SRD5A2: variants seen among roughly 807,000 people sequenced by gnomAD.
The protein encoded by SRD5A2 is 3-oxo-5-alpha-steroid 4-dehydrogenase 2.
SRD5A2 carries 30 observed loss-of-function variants against 27.4 expected under a neutral mutation model. The ratio of observed to expected loss-of-function variants is 1.10; its 90% confidence interval spans 0.82 to 1.49. The LOEUF is 1.49. Ranked by LOEUF, SRD5A2 falls within the 40% of genes most tolerant of loss-of-function variation. The probability of loss-of-function intolerance (pLI) is 0.00; values close to 1 mark genes in which losing one functional copy is unlikely to be tolerated. For synonymous variants in SRD5A2, 141 were observed against 133.6 expected (o/e 1.06, Z -0.38); for missense variants, 348 against 323.4 (o/e 1.08, Z -0.58).
intron 1 of SRD5A2, among the ~76,000 whole-genome samples, chr2:31,570,724 C>T (rs1245131353): frequency 6.6e-6 from 1 of 152,152 alleles, no homozygotes; most frequent in Non-Finnish European, 1.5e-5. Flanking sequence ...CATTCCTATA[C>T]ACCAACAACA....
intron 1 of SRD5A2, among the ~76,000 whole-genome samples, chr2:31,538,775 A>C (rs1179982964): frequency 2.6e-5 from 4 of 152,220 alleles, no homozygotes; most frequent in Middle Eastern, 6.3e-3. Flanking sequence ...CTAGCCTCAT[A>C]AATCTACTTT....
At chr2:31,529,970 C>A (rs1474707668) in intron 3 of SRD5A2, among the ~76,000 whole-genome samples, 7 of 152,182 alleles carry the variant, frequency 4.6e-5, no homozygotes, top group Non-Finnish European at 1.5e-5. Flanking sequence ...CTGCAAAGCA[C>A]TCTCCTCTGT....
the SRD5A2 span, among the ~76,000 whole-genome samples, chr2:31,620,137 C>G: frequency 6.6e-6 from 1 of 151,824 alleles, no homozygotes; most frequent in African/African-American, 2.4e-5. Context: ...ATTCAACATC[C>G]CTTCATGTTA....
In SRD5A2 at chr2:31,561,590, C is replaced by T. The variant is rs143410139; in HGVS notation, c.281+19030G>A. On this transcript the variant is annotated intron_variant, in intron 1 of 4. Transcript: ENST00000622030. ...TGCTTATGTTTTTAAGTATTTATGG[C>T]ATGTCCTGGTAATACTGGGAGACCT... 1.1e-4 allele frequency among the ~76,000 whole-genome samples: 17 copies of T among 152,212 alleles called. No individual in the cohort carries two copies. In the East Asian group the frequency reaches 2.9e-3, roughly 26 times the overall value.
the SRD5A2 span, chr2:31,651,487 T>C: frequency 8.8e-6 from 2 of 226,084 alleles, no homozygotes; most frequent in African/African-American, 2.3e-5. Flanking sequence ...ATGCTAATGA[T>C]AGAGATGACT....
At chr2:31,529,891 T>A (rs1316102544) in intron 3 of SRD5A2, among the ~76,000 whole-genome samples, 1 of 152,146 alleles carries the variant, frequency 6.6e-6, no homozygotes, top group Admixed American at 6.5e-5. Context: ...TACATTAAAA[T>A]AATAAAAATC....
chr2:31,547,702 T>C (rs554431678), intron 1 of SRD5A2, among the ~76,000 whole-genome samples: 12 of 152,154 alleles, frequency 7.9e-5, no homozygotes, highest in Non-Finnish European at 1.8e-4. Context: ...AACATTGGCT[T>C]CCATGGTTCT....
the SRD5A2 span, among the ~76,000 whole-genome samples, chr2:31,643,850 C>A: frequency 6.6e-6 from 1 of 152,068 alleles, no homozygotes. Flanking sequence ...TATCAACAGT[C>A]AATAAATGGG....
rs1266345639 is a variant in SRD5A2 at position 31,522,574 on chromosome 2, C to T, written c.*3622G>A. On this transcript the variant is annotated 3_prime_UTR_variant, in exon 5 of 5. Transcript: ENST00000622030. ...GAGAAATGAGGCACAATGCAAATAA[C>T]ACAGAACTCTTTAAGATCACAACTC... 4.9e-6 allele frequency: 1 copy of T among 205,062 alleles called. No homozygotes were observed. Among genetic ancestry groups the T allele is most frequent in the Admixed American group, 6.0e-5 (1 of 16,768 alleles). The allele number at this position is 205,062 out of a possible 1,614,324, so 12.7% of individuals were successfully genotyped here. A position where few individuals can be genotyped will look rare whatever the true frequency, so the allele number is the denominator to read the frequency against.
rs28383084 is a variant in SRD5A2 at position 31,525,533 on chromosome 2, T to C, written c.*663A>G. 4.4e-6 allele frequency: 1 copy of C among 225,684 alleles called. No individual in the cohort carries two copies. Among genetic ancestry groups the C allele is most frequent in the African/African-American group, 2.2e-5 (1 of 45,002 alleles). The allele number at this position is 225,684 out of a possible 1,614,324, so 14.0% of individuals were successfully genotyped here. A position where few individuals can be genotyped will look rare whatever the true frequency, so the allele number is the denominator to read the frequency against. ...TACCAGTTTTCCGGGGATTGTGAAA[T>C]CTTCTGGAAAACAGAGGCACTCATC... On this transcript the variant is annotated 3_prime_UTR_variant, in exon 5 of 5. Coordinates refer to ENST00000622030, the MANE Select transcript of SRD5A2 (RefSeq NM_000348.4).
At chr2:31,574,246 A>T (rs1666908410) in intron 1 of SRD5A2, among the ~76,000 whole-genome samples, 1 of 152,206 alleles carries the variant, frequency 6.6e-6, no homozygotes, top group Non-Finnish European at 1.5e-5. Context: ...CCTAGAGGGC[A>T]AGCACTAGGT....
the SRD5A2 span, among the ~76,000 whole-genome samples, chr2:31,616,456 A>C: frequency 2.0e-5 from 3 of 152,234 alleles, no homozygotes; most frequent in Admixed American, 6.5e-5. Context: ...AGAGCTACCC[A>C]AGGCCATAGG....
At chr2:31,623,967 T>C in the SRD5A2 span, among the ~76,000 whole-genome samples, 1 of 152,190 alleles carries the variant, frequency 6.6e-6, no homozygotes, top group Non-Finnish European at 1.5e-5. Flanking sequence ...TTGATCGTGT[T>C]GGATAAGCTT....
chr2:31,527,999 C>T (rs1312622917), intron 4 of SRD5A2, among the ~76,000 whole-genome samples: 2 of 152,214 alleles, frequency 1.3e-5, no homozygotes, highest in Non-Finnish European at 2.9e-5. Flanking sequence ...GGGAAAGGAT[C>T]TGACATTTAC....
chr2:31,661,359 T>C, the SRD5A2 span, among the ~76,000 whole-genome samples: 1 of 152,100 alleles, frequency 6.6e-6, no homozygotes, highest in African/African-American at 2.4e-5. Flanking sequence ...AAGAACTCAG[T>C]AGCAAGCTAA....
chr2:31,525,544 A>G lies in SRD5A2; in HGVS notation c.*652T>C, dbSNP rs1413259422. The stretch of plus-strand genomic sequence containing the variant: ...CGGGGATTGTGAAATCTTCTGGAAA[A>G]CAGAGGCACTCATCAACTAAGACAC... On this transcript the variant is annotated 3_prime_UTR_variant, in exon 5 of 5. Transcript: ENST00000622030. The G allele has an allele frequency of 4.4e-6, 1 of 225,466 alleles. No homozygotes were observed. The highest frequency in any genetic ancestry group is 8.8e-6 in the Non-Finnish European group (1 of 113,278). The allele number at this position is 225,466 out of a possible 1,614,324, so 14.0% of individuals were successfully genotyped here.
Position 31,533,709 on chromosome 2 carries a change from G to A in SRD5A2, c.339C>T (p.Leu113=), listed in dbSNP as rs750918443. 4.4e-6 allele frequency: 7 copies of A among 1,596,200 alleles called. No homozygotes were observed. Among genetic ancestry groups the A allele is most frequent in the South Asian group, 2.3e-5 (2 of 87,258 alleles). Residue 113 remains leucine, a synonymous_variant, in exon 2 of 5, where the codon CTC becomes CTT. Coordinates refer to ENST00000622030, the MANE Select transcript of SRD5A2 (RefSeq NM_000348.4). ...RGRPYPAILI[L]RGTAFCTGNG... ...TTCCAGTGCAGAAGGCAGTGCCTCT[G>A]AGAATGAGTATAGCTGGATAAGGCC...
chr2:31,569,679 A>AC (rs1300736204), intron 1 of SRD5A2, among the ~76,000 whole-genome samples: 1 of 58,074 alleles, frequency 1.7e-5, no homozygotes, highest in East Asian at 4.4e-4. Flanking sequence ...ACAAAAAACA[A>AC]AAAAAAAAAA....
the SRD5A2 span, among the ~76,000 whole-genome samples, chr2:31,597,194 T>C: frequency 6.6e-6 from 1 of 152,118 alleles, no homozygotes; most frequent in Non-Finnish European, 1.5e-5. Context: ...AACTGATCTT[T>C]GACAAAGCAA....
Sources: allele counts gnomAD v4.1 joint callset (sites outside exome capture counted in the v4.1 genomes callset), GRCh38; gene constraint gnomAD v4.1.1; transcripts MANE v1.5; gene names NCBI Gene and HGNC (gene_info 2026-07-23, HGNC 2026-07-21).